SETD1B: variants seen among roughly 807,000 people sequenced by gnomAD.
The protein encoded by SETD1B is histone-lysine N-methyltransferase SETD1B.
Under a neutral mutation model 148.0 loss-of-function variants are expected in SETD1B, and 7 were observed. That is an observed-to-expected ratio of 0.05 (90% confidence interval 0.03 to 0.09). The LOEUF (loss-of-function observed/expected upper bound fraction) is 0.09, where lower values mean the gene tolerates loss of function less well. Among genes scored for constraint, SETD1B ranks in the 10% least tolerant of loss-of-function variants. SETD1B has a pLI of 1.00. For synonymous variants in SETD1B, 1,361 were observed against 1,186.5 expected (o/e 1.15, Z -3.02); for missense variants, 2,155 against 2,729.9 (o/e 0.79, Z 4.69).
rs1177121625 is a variant in SETD1B at position 121,819,700 on chromosome 12, G to A, written c.3715G>A (p.Glu1239Lys). The A allele has an allele frequency of 1.3e-6, 2 of 1,551,020 alleles. No homozygotes were observed. Among genetic ancestry groups the A allele is most frequent in the Non-Finnish European group, 1.7e-6 (2 of 1,146,992 alleles). ...GGAAGAGGAGGTGGACATCGAGACT[G>A]AGGCTGTGGCCCCTGAGGAGCGGCC... The part of the protein sequence containing the change: ...GMEEEVDIET[E>K]AVAPEERPSM... Residue 1239 changes from glutamate to lysine, a missense_variant, in exon 11 of 17, where the codon GAG (glutamate) becomes AAG (lysine). Physicochemically the swap from Glu to Lys is moderately conservative, Grantham distance 56. Around this residue, in one of 11 missense-constraint regions of SETD1B, gnomAD observed 862 missense variants for 873.8 expected, o/e 0.99. Coordinates refer to ENST00000604567, the MANE Select transcript of SETD1B (RefSeq NM_001353345.2).
rs536977779 is a variant in SETD1B at position 121,830,620 on chromosome 12, A to G, written c.*381A>G. ...GCTGCTACGTTGTTTTGTCTTCTCTATTTTTTTCCTCGTTGTGAGAAAAGA... is the reference window on the plus strand; with the variant it reads ...GCTGCTACGTTGTTTTGTCTTCTCTGTTTTTTTCCTCGTTGTGAGAAAAGA... On this transcript the variant is annotated 3_prime_UTR_variant, in exon 17 of 17. Coordinates refer to ENST00000604567, the MANE Select transcript of SETD1B (RefSeq NM_001353345.2). This position sits in a 1 kb window ranked among gnomAD's most constrained non-coding sequence, Gnocchi z 5.7. 3.5e-5 allele frequency: 6 copies of G among 169,452 alleles called. No individual in the cohort carries two copies. Among genetic ancestry groups the G allele is most frequent in the South Asian group, 1.8e-4 (1 of 5,534 alleles). The allele number at this position is 169,452 out of a possible 1,614,324, so 10.5% of individuals were successfully genotyped here.
rs1592981022 is a variant in SETD1B at position 121,814,650 on chromosome 12, T to C, written c.2435T>C (p.Val812Ala). 2 of 1,548,240 alleles carry C rather than the reference T, an allele frequency of 1.3e-6. No homozygotes were observed. The highest frequency in any genetic ancestry group is 4.9e-5 in the East Asian group (2 of 40,764). The change falls in exon 7 of 17, where the codon GTC becomes GCC. Residue 812 changes from valine (V) to alanine (A), a missense_variant. Val to Ala is a moderately conservative substitution (Grantham distance 64). Around this residue, in one of 11 missense-constraint regions of SETD1B, gnomAD observed 289 missense variants for 423.7 expected, o/e 0.68. Coordinates refer to ENST00000604567, the MANE Select transcript of SETD1B (RefSeq NM_001353345.2). ...AAAASAGLQF[V>A]NLPPYRGPFS... is the part of the protein sequence containing the mutation. ...GCTGCCTCAGCTGGGCTCCAGTTTG[T>C]CAACCTGCCGCCCTACCGGGGCCCC...
chr12:121,830,522 C>A lies in SETD1B; in HGVS notation c.*283C>A. The A allele has an allele frequency of 2.9e-6, 1 of 339,122 alleles. No homozygotes were observed. 21.0% of individuals were successfully genotyped at this position (339,122 alleles called of 1,614,324 possible). A position where few individuals can be genotyped will look rare whatever the true frequency, so the allele number is the denominator to read the frequency against. On this transcript the variant is annotated 3_prime_UTR_variant, in exon 17 of 17. Transcript: ENST00000604567. This position sits in a 1 kb window ranked among gnomAD's most constrained non-coding sequence, Gnocchi z 5.7. The stretch of plus-strand genomic sequence containing the variant: ...ACTCCAGCATCAGCTTCTCTCTCTC[C>A]GTCTCTCCTCCCCTCTCTCTCTTCT...
intron 10 of SETD1B, 129 bp from the exon 11 acceptor site, chr12:121,819,275 C>A: frequency 2.7e-6 from 4 of 1,470,254 alleles, no homozygotes; most frequent in Non-Finnish European, 3.6e-6. Context: ...TGAACACATG[C>A]CCCACACACA....
chr12:121,804,165 G>A lies in SETD1B; in HGVS notation c.-83G>A, dbSNP rs1400445773. ...TCCTGGCCCCCGGTCCGGCCGCCCC[G>A]GCCTCGGCTCCCTCGGGGGACACCA... On this transcript the variant is annotated 5_prime_UTR_variant, in exon 1 of 17. Coordinates refer to ENST00000604567, the MANE Select transcript of SETD1B (RefSeq NM_001353345.2). This position sits in a 1 kb window ranked among gnomAD's most constrained non-coding sequence, Gnocchi z 4.6. 3 of 149,672 alleles carry A rather than the reference G, an allele frequency of 2.0e-5. No individual in the cohort carries two copies. The highest frequency in any genetic ancestry group is 4.5e-5 in the Non-Finnish European group (3 of 66,884). 9.3% of individuals were successfully genotyped at this position (149,672 alleles called of 1,614,324 possible).
At chr12:121,795,941 G>A in the SETD1B span, 3 of 148,348 alleles carry the variant, frequency 2.0e-5, no homozygotes, top group Non-Finnish European at 3.0e-5. Flanking sequence ...CCTGGGTCCA[G>A]GCAGAACAGC....
At chr12:121,793,103 C>A in the SETD1B span, 1 of 1,496,304 alleles carries the variant, frequency 6.7e-7, no homozygotes, top group Non-Finnish European at 9.1e-7. Flanking sequence ...GAGGGGAAAC[C>A]CTTCGGGCGG....
intron 10 of SETD1B, 141 bp downstream of exon 10, chr12:121,818,045 T>G (rs1399093459): frequency 8.7e-6 from 7 of 807,802 alleles, no homozygotes; most frequent in South Asian, 1.9e-5. Context: ...ACACACAGGG[T>G]GGCGTACGGT....
the SETD1B span, chr12:121,793,577 C>A: frequency 6.4e-7 from 1 of 1,553,256 alleles, no homozygotes; most frequent in Non-Finnish European, 8.7e-7. Context: ...CGATCTTCAG[C>A]TCCTTCCTGC....
the SETD1B span, among the ~76,000 whole-genome samples, chr12:121,798,116 G>C: frequency 3.3e-5 from 5 of 152,376 alleles, no homozygotes; most frequent in East Asian, 9.6e-4. Flanking sequence ...GGGTGAGGGG[G>C]TGCCATGGGC....
rs961138934 is a variant in SETD1B at position 121,804,065 on chromosome 12, G to GGCAGCA, written c.-171_-166dup. 6.5e-6 allele frequency: 1 copy of GGCAGCA among 152,862 alleles called. No homozygotes were observed. The highest frequency in any genetic ancestry group is 1.5e-5 in the Non-Finnish European group (1 of 68,754). The allele number at this position is 152,862 out of a possible 1,614,324, so 9.5% of individuals were successfully genotyped here. A position where few individuals can be genotyped will look rare whatever the true frequency, so the allele number is the denominator to read the frequency against. On this transcript the variant is annotated 5_prime_UTR_variant, in exon 1 of 17. Transcript: ENST00000604567. The surrounding 1 kb of genome is among the most constrained non-coding windows in gnomAD (Gnocchi z 4.6). ...AGCCTCCGCCGCCAGCCGCCTCCCG[G>GGCAGCA]GCAGCAGCAGCAGCAGCGGCGGCGG...
chr12:121,801,281 TC>T (rs1339776798), upstream of SETD1B: 2 of 152,180 alleles, frequency 1.3e-5, no homozygotes, highest in Non-Finnish European at 2.9e-5. Context: ...CAATTTCTTC[TC>T]CCCATCCAGG....
Position 121,817,270 on chromosome 12 carries a change from A to G in SETD1B, c.2953A>G (p.Thr985Ala), listed in dbSNP as rs918413316. The G allele has an allele frequency of 1.3e-5, 20 of 1,550,662 alleles. No homozygotes were observed. The highest frequency in any genetic ancestry group is 1.7e-5 in the Non-Finnish European group (20 of 1,146,896). The change falls in exon 8 of 17, where the codon ACC (threonine) becomes GCC (alanine). Residue 985 changes from threonine (T) to alanine (A), a missense_variant. By Grantham distance (58) the Thr-to-Ala change is moderately conservative. Transcript: ENST00000604567. The surrounding 1 kb of genome is among the most constrained non-coding windows in gnomAD (Gnocchi z 8.1). ...SGDQKRLRPSTSVDEEDEESE... is the reference protein window; with the variant it reads ...SGDQKRLRPSASVDEEDEESE... ...CGACCAGAAGCGGCTGCGGCCCTCG[A>G]CCTCTGTGGATGAGGAAGATGAAGG...
At chr12:121,803,313 T>G (rs1360940708), upstream of SETD1B, 1 of 151,470 alleles carries the variant, frequency 6.6e-6, no homozygotes, top group African/African-American at 2.4e-5. The surrounding 1 kb of genome is among the most constrained non-coding windows in gnomAD (Gnocchi z 4.7). Context: ...CCTCCGCGGG[T>G]GGCTGGAGGA....
Position 121,809,780 on chromosome 12 carries a change from C to A in SETD1B, c.835C>A (p.Leu279Met), listed in dbSNP as rs546554344. Reference sequence around the variant, plus strand: ...ACAGGGCACCCCGCTCACACCGCGCCTGGGCACCCCTTTCTCACAGGACTC... The same window carrying A: ...ACAGGGCACCCCGCTCACACCGCGCATGGGCACCCCTTTCTCACAGGACTC... ...YGQGTPLTPR[L>M]GTPFSQDSSY... The change falls in exon 6 of 17, where the codon CTG (leucine) becomes ATG (methionine). Residue 279 changes from leucine to methionine, a missense_variant. By Grantham distance (15) the Leu-to-Met change is conservative. Around this residue, in one of 11 missense-constraint regions of SETD1B, gnomAD observed 376 missense variants for 385.0 expected, o/e 0.98. Transcript: ENST00000604567. The A allele has an allele frequency of 2.0e-5, 31 of 1,551,616 alleles. 1 individual carries two copies. In the South Asian group the frequency reaches 3.3e-4, roughly 17 times the overall value.
chr12:121,799,820 A>G (rs1308743127), upstream of SETD1B: 1 of 148,282 alleles, frequency 6.7e-6, no homozygotes, highest in Non-Finnish European at 1.5e-5. Context: ...AATCTCCCTC[A>G]CGGTCTGGGC....
intron 11 of SETD1B, 115 bp from the exon 12 acceptor site, chr12:121,822,375 G>A: frequency 8.0e-7 from 1 of 1,254,546 alleles, no homozygotes; most frequent in Non-Finnish European, 1.1e-6. Context: ...GAGAAGGACA[G>A]GTCCCGTGCT....
At chr12:121,807,438 A>T (rs921288) in intron 4 of SETD1B, among the ~76,000 whole-genome samples, 111,408 of 144,774 alleles carry the variant, frequency 0.77, 43,797 homozygotes, top group East Asian at 0.98. Context: ...CAAAATTTCA[A>T]TTCTGTAAAA....
chr12:121,790,851 G>A, the SETD1B span, among the ~76,000 whole-genome samples: 1 of 152,118 alleles, frequency 6.6e-6, no homozygotes, highest in Admixed American at 6.5e-5. Flanking sequence ...GGGCAGGGAT[G>A]GTAGGAGGAT....
Sources: gnomAD v4.1 joint callset for allele counts (sites outside exome capture counted in the v4.1 genomes callset) on GRCh38, gnomAD v4.1.1 for gene constraint, gnomAD v4.1.1 regional missense constraint, Gnocchi (gnomAD v3.1) non-coding constraint, MANE v1.5 for transcripts, NCBI Gene and HGNC (gene_info 2026-07-23, HGNC 2026-07-21) for gene names.